PTPN14: variants seen among roughly 807,000 people sequenced by gnomAD.
PTPN14 encodes the protein tyrosine-protein phosphatase non-receptor type 14.
Under a neutral mutation model 126.8 loss-of-function variants are expected in PTPN14, and 53 were observed. The observed-to-expected ratio is 0.42, with a 90% CI of 0.34 to 0.53. The LOEUF (loss-of-function observed/expected upper bound fraction) is 0.53, where lower values mean the gene tolerates loss of function less well. PTPN14 is among the 20% of genes least tolerant of loss of function. PTPN14 has a pLI of 0.08. For missense variants in PTPN14, 1,257 were observed against 1,552.9 expected (o/e 0.81, Z 3.20); for synonymous variants, 630 against 599.3 (o/e 1.05, Z -0.75).
intron 18 of PTPN14, among the ~76,000 whole-genome samples, chr1:214,361,731 A>T (rs777416697): frequency 2.0e-5 from 3 of 152,216 alleles, no homozygotes; most frequent in Non-Finnish European, 4.4e-5. Context: ...TGTCCTGCAG[A>T]CCATAAAACG....
At chr1:214,373,415 C>T (rs1313554853) in intron 15 of PTPN14, among the ~76,000 whole-genome samples, 2 of 152,178 alleles carry the variant, frequency 1.3e-5, no homozygotes, top group Non-Finnish European at 2.9e-5. Flanking sequence ...AAAAACCATA[C>T]ACATACACAC....
chr1:214,413,794 G>C (rs1392154219), intron 4 of PTPN14, among the ~76,000 whole-genome samples: 2 of 152,148 alleles, frequency 1.3e-5, no homozygotes, highest in African/African-American at 2.4e-5. Context: ...CCAGCCTCCT[G>C]AGTAGCTGGA....
chr1:214,520,913 C>T (rs1171371836), intron 1 of PTPN14, among the ~76,000 whole-genome samples: 2 of 152,064 alleles, frequency 1.3e-5, no homozygotes, highest in Non-Finnish European at 2.9e-5. Flanking sequence ...TTGTTATTTA[C>T]CCCAGGCCAG....
chr1:214,420,316 A>G (rs184234826), intron 3 of PTPN14, among the ~76,000 whole-genome samples: 24 of 152,374 alleles, frequency 1.6e-4, no homozygotes, highest in African/African-American at 5.8e-4. Context: ...AACACAGACA[A>G]GATTTTCTTG....
intron 3 of PTPN14, among the ~76,000 whole-genome samples, chr1:214,420,900 C>T (rs11120317): frequency 6.6e-6 from 1 of 151,986 alleles, no homozygotes; most frequent in Non-Finnish European, 1.5e-5. Flanking sequence ...TAGTTAGCAT[C>T]GAAAGAAAAT....
At chr1:214,477,396 C>G (rs1158161190) in intron 1 of PTPN14, among the ~76,000 whole-genome samples, 2 of 152,158 alleles carry the variant, frequency 1.3e-5, no homozygotes, top group Non-Finnish European at 2.9e-5. Flanking sequence ...TACAATTGTT[C>G]TTTCTTCTCT....
chr1:214,410,897 G>A (rs1019599561), intron 5 of PTPN14, among the ~76,000 whole-genome samples: 8 of 152,250 alleles, frequency 5.3e-5, no homozygotes, highest in African/African-American at 1.7e-4. Context: ...GGTATCTCCT[G>A]CTTAGTTCTT....
chr1:214,443,116 C>T lies in PTPN14; in HGVS notation c.344+8689G>A, dbSNP rs146042184. 2.9e-3 allele frequency among the ~76,000 whole-genome samples: 446 copies of T among 152,248 alleles called. 2 individuals carry two copies. Among genetic ancestry groups the T allele is most frequent in the Non-Finnish European group, 5.2e-3 (351 of 68,028 alleles). ...GGGATTACAGGCGTGAACCACCGCGCCCAGCCTAACTGCATATCTTTCACA... is the reference window on the plus strand; with the variant it reads ...GGGATTACAGGCGTGAACCACCGCGTCCAGCCTAACTGCATATCTTTCACA... On this transcript the variant is annotated intron_variant, in intron 3 of 18. Transcript: ENST00000366956.
intron 5 of PTPN14, among the ~76,000 whole-genome samples, chr1:214,411,408 TAA>T (rs1197858522): frequency 6.6e-6 from 1 of 152,086 alleles, no homozygotes; most frequent in Non-Finnish European, 1.5e-5. Context: ...ACAAATTTAG[TAA>T]AGTTTCAGGT....
chr1:214,432,089 T>A (rs1571996352), intron 3 of PTPN14, among the ~76,000 whole-genome samples: 1 of 151,912 alleles, frequency 6.6e-6, no homozygotes, highest in East Asian at 1.9e-4. Flanking sequence ...CAGGCTGAGG[T>A]AGGAGGATCT....
intron 3 of PTPN14, among the ~76,000 whole-genome samples, chr1:214,440,713 G>A (rs1166329480): frequency 1.3e-5 from 2 of 152,220 alleles, no homozygotes; most frequent in South Asian, 2.1e-4. Context: ...CAAGTACTGA[G>A]ATGCACTTCA....
In PTPN14 at chr1:214,520,065, A is replaced by AAAATATATATATATATATAT; in HGVS notation, c.-155+31117_-155+31118insATATATATATATATATATTT. On this transcript the variant is annotated intron_variant, in intron 1 of 18. Transcript: ENST00000366956. ...CCTGTCTCAAAAAAAAAAAAAAAAA[A>AAAATATATATATATATATAT]ATATATATATATATATATGCAGAAT... Among the ~76,000 whole-genome samples the AAAATATATATATATATATAT allele has an allele frequency of 1.3e-3, 92 of 71,056 alleles. 1 individual carries two copies. Among genetic ancestry groups the AAAATATATATATATATATAT allele is most frequent in the East Asian group, 8.2e-3 (17 of 2,080 alleles). 46.6% of individuals were successfully genotyped at this position (71,056 alleles called of 152,430 possible). A position where few individuals can be genotyped will look rare whatever the true frequency, so the allele number is the denominator to read the frequency against.
chr1:214,518,397 C>A (rs576127637), intron 1 of PTPN14, among the ~76,000 whole-genome samples: 37 of 152,298 alleles, frequency 2.4e-4, no homozygotes, highest in Admixed American at 5.2e-4. Context: ...TTATTTTTCA[C>A]ATCTTCATTT....
chr1:214,500,428 T>C (rs756019063), intron 1 of PTPN14, among the ~76,000 whole-genome samples: 9 of 152,168 alleles, frequency 5.9e-5, no homozygotes, highest in Non-Finnish European at 1.3e-4. Flanking sequence ...TTCAACTCTC[T>C]ACTTGAGAGG....
intron 1 of PTPN14, among the ~76,000 whole-genome samples, chr1:214,480,095 T>C (rs1009486126): frequency 2.0e-5 from 3 of 152,254 alleles, no homozygotes; most frequent in Non-Finnish European, 2.9e-5. Flanking sequence ...CAACTTAGGT[T>C]GGTTCTAATT....
intron 5 of PTPN14, among the ~76,000 whole-genome samples, chr1:214,405,814 T>A (rs572701112): frequency 6.6e-6 from 1 of 152,366 alleles, no homozygotes; most frequent in South Asian, 2.1e-4. Flanking sequence ...TGTCTTTTAA[T>A]GCTTACAACG....
intron 17 of PTPN14, among the ~76,000 whole-genome samples, chr1:214,368,735 C>A (rs1231079932): frequency 1.3e-5 from 2 of 152,106 alleles, no homozygotes; most frequent in Non-Finnish European, 2.9e-5. Flanking sequence ...GTAATCCCTG[C>A]AATTTGGGAG....
chr1:214,495,897 T>C (rs188905484), intron 1 of PTPN14, among the ~76,000 whole-genome samples: 115 of 152,226 alleles, frequency 7.6e-4, no homozygotes, highest in Admixed American at 1.2e-3. Context: ...TTTCACCATG[T>C]TGGTCAGGCT....
intron 2 of PTPN14, among the ~76,000 whole-genome samples, chr1:214,456,145 TG>T (rs1430860441): frequency 4.6e-5 from 7 of 152,204 alleles, no homozygotes; most frequent in African/African-American, 1.7e-4. Flanking sequence ...GAGGTTTAGA[TG>T]CAGTCTTGGC....
Sources: allele counts gnomAD v4.1 joint callset (sites outside exome capture counted in the v4.1 genomes callset), GRCh38; gene constraint gnomAD v4.1.1; transcripts MANE v1.5; gene names NCBI Gene and HGNC (gene_info 2026-07-23, HGNC 2026-07-21).